Variants in PSMA8 observed in about 807,000 individuals in gnomAD.
PSMA8 encodes proteasome subunit alpha-type 8.
A neutral mutation model predicts 32.4 loss-of-function variants in PSMA8; 18 were observed. The ratio of observed to expected loss-of-function variants is 0.56; its 90% CI spans 0.38 to 0.82. The LOEUF (loss-of-function observed/expected upper bound fraction) is 0.82. Ranked by LOEUF, PSMA8 falls within the 40% of genes least tolerant of loss-of-function variation. PSMA8 has a pLI of 0.00. For synonymous variants in PSMA8, 104 were observed against 98.1 expected (o/e 1.06, Z -0.36); for missense variants, 298 against 300.7 (o/e 0.99, Z 0.07).
intron 3 of PSMA8, 80 bp from the exon 4 acceptor site, chr18:26,158,042 T>A: frequency 1.1e-6 from 1 of 916,732 alleles, no homozygotes; most frequent in East Asian, 2.7e-5. Flanking sequence ...AGTGGATCAT[T>A]TGGGCAGCAA....
intron 3 of PSMA8, among the ~76,000 whole-genome samples, chr18:26,153,750 C>T (rs1241216014): frequency 6.6e-6 from 1 of 152,080 alleles, no homozygotes; most frequent in African/African-American, 2.4e-5. Context: ...AACTATTTTC[C>T]TACTTTGCCT....
chr18:26,188,637 A>G (rs1245211317), intron 6 of PSMA8, among the ~76,000 whole-genome samples: 1 of 152,176 alleles, frequency 6.6e-6, no homozygotes, highest in Non-Finnish European at 1.5e-5. Context: ...TCTGGCATAA[A>G]GACAGACACA....
At chr18:26,163,548 A>G (rs1242926368) in intron 4 of PSMA8, among the ~76,000 whole-genome samples, 1 of 152,174 alleles carries the variant, frequency 6.6e-6, no homozygotes, top group Non-Finnish European at 1.5e-5. Flanking sequence ...TCCAAAAATT[A>G]GAAATCTGAA....
intron 6 of PSMA8, among the ~76,000 whole-genome samples, chr18:26,191,922 C>T (rs1206454184): frequency 1.3e-5 from 2 of 152,206 alleles, no homozygotes; most frequent in South Asian, 2.1e-4. Flanking sequence ...TTTCGCTATT[C>T]TATAAACTGA....
At chr18:26,151,784 C>A in intron 2 of PSMA8, 74 bp from the exon 3 acceptor site, 7 of 1,382,892 alleles carry the variant, frequency 5.1e-6, no homozygotes, top group South Asian at 3.1e-5. Context: ...TGAATAAAAC[C>A]CATTTGACAA....
chr18:26,150,047 T>C (rs2055032852), intron 2 of PSMA8, among the ~76,000 whole-genome samples: 1 of 152,236 alleles, frequency 6.6e-6, no homozygotes, highest in Admixed American at 6.5e-5. Context: ...TGTTCCAAAA[T>C]CTGAAAATTT....
intron 4 of PSMA8, among the ~76,000 whole-genome samples, chr18:26,163,516 CAT>C (rs2055155551): frequency 6.6e-6 from 1 of 152,080 alleles, no homozygotes; most frequent in African/African-American, 2.4e-5. Flanking sequence ...TATGCTAGAG[CAT>C]ACAGGCTAAG....
At chr18:26,187,354 G>A (rs1281843434) in intron 6 of PSMA8, among the ~76,000 whole-genome samples, 3 of 152,026 alleles carry the variant, frequency 2.0e-5, no homozygotes, top group Non-Finnish European at 4.4e-5. Context: ...TTCAAAAAAA[G>A]TGAGGTCTGA....
At chr18:26,140,755 G>A (rs1003824845) in intron 1 of PSMA8, among the ~76,000 whole-genome samples, 1 of 152,148 alleles carries the variant, frequency 6.6e-6, no homozygotes, top group Non-Finnish European at 1.5e-5. Flanking sequence ...GCTTTCATCT[G>A]CATCATAGAA....
intron 3 of PSMA8, among the ~76,000 whole-genome samples, chr18:26,156,039 C>T (rs117673350): frequency 2.6e-5 from 4 of 152,082 alleles, no homozygotes; most frequent in African/African-American, 9.7e-5. Flanking sequence ...AAATGGCCAA[C>T]ATGTATATGA....
chr18:26,143,632 G>T (rs1030793020), intron 1 of PSMA8, among the ~76,000 whole-genome samples: 1 of 152,072 alleles, frequency 6.6e-6, no homozygotes, highest in East Asian at 1.9e-4. Flanking sequence ...TAAAATTTTT[G>T]CTTTGCAAAC....
intron 4 of PSMA8, among the ~76,000 whole-genome samples, chr18:26,164,758 A>G (rs1033058991): frequency 1.3e-5 from 2 of 152,188 alleles, no homozygotes; most frequent in African/African-American, 4.8e-5. Context: ...TTTGAGGACA[A>G]CCAGAGACAC....
At chr18:26,169,247 C>T (rs77532089) in intron 4 of PSMA8, among the ~76,000 whole-genome samples, 5,636 of 99,100 alleles carry the variant, frequency 0.057, 128 homozygotes, top group African/African-American at 0.12. Context: ...GGATTACAGG[C>T]GTGAGCCACT....
At chr18:26,173,880 A>G (rs2055244451) in intron 4 of PSMA8, among the ~76,000 whole-genome samples, 1 of 151,950 alleles carries the variant, frequency 6.6e-6, no homozygotes, top group African/African-American at 2.4e-5. Context: ...TATACTGTTG[A>G]CACACTAGTG....
chr18:26,178,848 A>T lies in PSMA8; in HGVS notation c.496A>T (p.Ser166Cys), dbSNP rs370534304. 3 of 1,612,214 alleles carry T rather than the reference A, an allele frequency of 1.9e-6. No individual in the cohort carries two copies. The highest frequency in any genetic ancestry group is 1.7e-5 in the Admixed American group (1 of 59,706). Residue 166 changes from serine (S) to cysteine (C), a missense_variant, in exon 5 of 7, where the codon AGT becomes TGT. Transcript: ENST00000415576. Reference protein sequence around the residue: ...HAWKANAIGRSAKTVREFLEK... With the variant: ...HAWKANAIGRCAKTVREFLEK... ...TTTCAAGGCAAATGCAATAGGCCGAAGTGCTAAAACTGTTCGAGAATTTCT... is the reference window on the plus strand; with the variant it reads ...TTTCAAGGCAAATGCAATAGGCCGATGTGCTAAAACTGTTCGAGAATTTCT...
chr18:26,172,599 C>G (rs1278689269), intron 4 of PSMA8, among the ~76,000 whole-genome samples: 1 of 151,982 alleles, frequency 6.6e-6, no homozygotes, highest in African/African-American at 2.4e-5. Context: ...GTCTTAGAGA[C>G]CAGTTGAGAA....
intron 4 of PSMA8, among the ~76,000 whole-genome samples, chr18:26,168,314 T>G (rs1243247212): frequency 1.6e-5 from 2 of 122,208 alleles, no homozygotes; most frequent in Admixed American, 8.0e-5. Flanking sequence ...CATCACAATC[T>G]TCACTTTTCC....
At position 26,178,880 on chromosome 18, in the gene PSMA8, G is replaced by T; in HGVS notation, c.528G>T (p.Lys176Asn). The T allele has an allele frequency of 1.2e-6, 2 of 1,613,740 alleles. No homozygotes were observed. The highest frequency in any genetic ancestry group is 1.7e-6 in the Non-Finnish European group (2 of 1,179,778). ...SAKTVREFLE[K>N]NYTEDAIASD... is the part of the protein sequence containing the mutation. ...AAACTGTTCGAGAATTTCTAGAAAA[G>T]AATTACACAGAAGATGCCATAGCAA... Residue 176 changes from lysine (K) to asparagine (N), a missense_variant, in exon 5 of 7, where the codon AAG becomes AAT. Physicochemically the swap from Lys to Asn is moderately conservative, Grantham distance 94 (BLOSUM62 0). Transcript: ENST00000415576.
intron 6 of PSMA8, among the ~76,000 whole-genome samples, chr18:26,181,767 T>C (rs957592606): frequency 2.0e-5 from 3 of 151,620 alleles, no homozygotes; most frequent in Admixed American, 2.0e-4. Context: ...CTACTAAAAA[T>C]ACAAAATTTA....
Sources: allele counts gnomAD v4.1 joint callset (sites outside exome capture counted in the v4.1 genomes callset), GRCh38; gene constraint gnomAD v4.1.1; transcripts MANE v1.5; gene names NCBI Gene and HGNC (gene_info 2026-07-23, HGNC 2026-07-21).